The following YBX3 variants were observed in gnomAD, a reference collection of about 807,000 sequenced individuals.
YBX3 encodes Y-box-binding protein 3.
In YBX3, 29 loss-of-function variants were observed where a neutral mutation model predicts 42.4. The observed-to-expected ratio is 0.68, with a 90% CI of 0.51 to 0.93. The LOEUF (loss-of-function observed/expected upper bound fraction) is 0.93. Among genes scored for constraint, YBX3 ranks in the 40% least tolerant of loss-of-function variants. YBX3 has a pLI of 0.00. For synonymous variants in YBX3, 195 were observed against 189.8 expected, an observed-to-expected ratio of 1.03 and a Z score of -0.22; for missense variants, 517 against 527.5, an observed-to-expected ratio of 0.98 and a Z score of 0.19.
intron 1 of YBX3, among the ~76,000 whole-genome samples, chr12:10,721,698 T>A (rs1344768821): frequency 6.6e-6 from 1 of 152,022 alleles, no homozygotes; most frequent in East Asian, 1.9e-4. Flanking sequence ...TCTCTCACAT[T>A]GCTCCCTCAA....
rs1224785272 is a variant in YBX3, at chr12:10,723,298, T to C, written c.-187A>G. 3.2e-6 allele frequency: 3 copies of C among 938,442 alleles called. No homozygotes were observed. Among genetic ancestry groups the C allele is most frequent in the South Asian group, 5.2e-5 (1 of 19,352 alleles). 58.1% of individuals were successfully genotyped at this position (938,442 alleles called of 1,614,324 possible). A position where few individuals can be genotyped will look rare whatever the true frequency, so the allele number is the denominator to read the frequency against. The stretch of plus-strand genomic sequence containing the variant: ...CTCGAGCTTCGTGCTGCGCGCTCTC[T>C]CTTGGGCTCCTCGCTCGATCTTACT... On this transcript the variant is annotated 5_prime_UTR_variant, in exon 1 of 10. Coordinates refer to ENST00000228251, the MANE Select transcript of YBX3 (RefSeq NM_003651.5).
chr12:10,701,397 C>A, intron 8 of YBX3, 44 bp from the exon 9 acceptor site: 2 of 778,258 alleles, frequency 2.6e-6, no homozygotes, highest in Non-Finnish European at 4.8e-6. Context: ...AGTCAGATGA[C>A]AGTGGAAAGT....
At position 10,701,329 on chromosome 12, in the gene YBX3, C is replaced by CA. The variant is rs1948076347; in HGVS notation, c.1077dup (p.Glu360Ter). On this transcript the variant is annotated frameshift_variant, in exon 9 of 10. Transcript: ENST00000228251. LOFTEE classifies it high-confidence loss of function. Reference sequence around the variant, plus strand: ...TGCTGGGTGGGTGGAGCAGGGTTCTCAGTTGGTGCTTCACCTGCCTTGGCC... The same window carrying CA: ...TGCTGGGTGGGTGGAGCAGGGTTCTCAAGTTGGTGCTTCACCTGCCTTGGCC... 1.3e-6 allele frequency: 1 copy of CA among 780,882 alleles called. No homozygotes were observed. Among genetic ancestry groups the CA allele is most frequent in the Admixed American group, 1.7e-5 (1 of 59,012 alleles). The allele number at this position is 780,882 out of a possible 1,614,324, so 48.4% of individuals were successfully genotyped here.
chr12:10,703,032 C>G (rs1442583023), intron 7 of YBX3: 1 of 152,178 alleles, frequency 6.6e-6, no homozygotes, highest in African/African-American at 2.4e-5. Flanking sequence ...AAAGCTGAGC[C>G]TCACACGCTA....
At chr12:10,720,115 C>T (rs1375524309) in intron 1 of YBX3, among the ~76,000 whole-genome samples, 1 of 151,772 alleles carries the variant, frequency 6.6e-6, no homozygotes, top group Non-Finnish European at 1.5e-5. Flanking sequence ...TAATAGATTA[C>T]CTTAAAGAAA....
intron 6 of YBX3, among the ~76,000 whole-genome samples, chr12:10,704,791 T>C (rs960423798): frequency 3.3e-5 from 5 of 152,208 alleles, no homozygotes; most frequent in Non-Finnish European, 2.9e-5. Flanking sequence ...GTGGTCCAAG[T>C]TCATATCTGA....
At chr12:10,708,528 C>CCAG (rs1183853670) in intron 6 of YBX3, among the ~76,000 whole-genome samples, 1 of 152,042 alleles carries the variant, frequency 6.6e-6, no homozygotes, top group African/African-American at 2.4e-5. Context: ...ACTGGCTTAA[C>CCAG]CAGACTACTT....
At chr12:10,702,754 G>A (rs1006487262) in intron 7 of YBX3, 1 of 152,148 alleles carries the variant, frequency 6.6e-6, no homozygotes, top group Admixed American at 6.6e-5. Context: ...AAGAAGAGTA[G>A]TCTGGTATCT....
At chr12:10,704,920 C>T (rs545282475) in intron 6 of YBX3, among the ~76,000 whole-genome samples, 1 of 152,172 alleles carries the variant, frequency 6.6e-6, no homozygotes, top group Non-Finnish European at 1.5e-5. Flanking sequence ...AAATAGCACC[C>T]ATCCTTTTCA....
At position 10,723,053 on chromosome 12, in the gene YBX3, G is replaced by C. The variant is rs965545212; in HGVS notation, c.59C>G (p.Thr20Arg). Residue 20 changes from threonine to arginine, a missense_variant, in exon 1 of 10, where the codon ACG (threonine) becomes AGG (arginine). Transcript: ENST00000228251. ...CTGGGGAGCCGCGGCGGCCGCCTCC[G>C]TCGGAGCCTGCGGGAGGGTGGTGGT... Reference protein sequence around the residue: ...TTTTTLPQAPTEAAAAAPQDP... With the variant: ...TTTTTLPQAPREAAAAAPQDP... The C allele has an allele frequency of 2.7e-5, 33 of 1,206,750 alleles. No homozygotes were observed. The highest frequency in any genetic ancestry group is 7.9e-5 in the African/African-American group (5 of 62,908). 74.8% of individuals were successfully genotyped at this position (1,206,750 alleles called of 1,614,324 possible).
chr12:10,711,989 C>G (rs1037994741), intron 5 of YBX3: 1 of 152,152 alleles, frequency 6.6e-6, no homozygotes, highest in African/African-American at 2.4e-5. Context: ...AGCTATCCCC[C>G]TCATAGCTTA....
At chr12:10,703,524 T>G (rs1170141461) in intron 7 of YBX3, 1 of 422,398 alleles carries the variant, frequency 2.4e-6, no homozygotes, top group Non-Finnish European at 4.7e-6. Context: ...CATTAGTACC[T>G]TTAATCCCCA....
intron 2 of YBX3, 24 bp from the exon 3 acceptor site, chr12:10,718,145 A>G: frequency 3.7e-6 from 6 of 1,610,042 alleles, no homozygotes; most frequent in Non-Finnish European, 5.1e-6. Flanking sequence ...AAAAGCTCAC[A>G]ATTAAAGGTA....
Position 10,713,199 on chromosome 12 carries a change from G to C in YBX3, c.573+12C>G, listed in dbSNP as rs1336986916. 5 of 1,606,202 alleles carry C rather than the reference G, an allele frequency of 3.1e-6. No homozygotes were observed. Among genetic ancestry groups the C allele is most frequent in the Non-Finnish European group, 4.2e-6 (5 of 1,177,222 alleles). On this transcript the variant is annotated intron_variant, in intron 5 of 9. Coordinates refer to ENST00000228251, the MANE Select transcript of YBX3 (RefSeq NM_003651.5). ...TTTCTCAATCACTGGTTAAGTAACA[G>C]AGACAACGTACATTCCGGGGAGGGC... is the stretch of plus-strand genomic sequence containing the variant.
chr12:10,719,169 T>C lies in YBX3; in HGVS notation c.263-26A>G, dbSNP rs752321971. On this transcript the variant is annotated intron_variant, in intron 1 of 9. Transcript: ENST00000228251. ...CTAAAATAGGATTAAGCAGATAAAT[T>C]AGTATCTGACCTACAGAGAGATATA... is the stretch of plus-strand genomic sequence containing the variant. The C allele has an allele frequency of 3.8e-6, 6 of 1,593,478 alleles. No individual in the cohort carries two copies. The African/African-American group carries it at 4.0e-5, about 11-fold the overall frequency.
chr12:10,722,820 G>A, intron 1 of YBX3, 30 bp downstream of exon 1: 1 of 1,421,596 alleles, frequency 7.0e-7, no homozygotes, highest in Non-Finnish European at 9.2e-7. Flanking sequence ...CCCCACTACG[G>A]CAGCCCCTGC....
At chr12:10,714,762 C>CTT (rs202076071) in intron 4 of YBX3, among the ~76,000 whole-genome samples, 5 of 145,444 alleles carry the variant, frequency 3.4e-5, no homozygotes, top group South Asian at 4.4e-4. Context: ...TTTTTCTTTT[C>CTT]TTTTTTTTTT....
At chr12:10,701,788 A>C (rs868203261) in intron 8 of YBX3, among the ~76,000 whole-genome samples, 172 bp downstream of exon 8, 1 of 152,230 alleles carries the variant, frequency 6.6e-6, no homozygotes, top group Non-Finnish European at 1.5e-5. Context: ...CTGGATTCAA[A>C]TATGTGGTCT....
chr12:10,710,249 G>A, intron 5 of YBX3, 135 bp from the exon 6 acceptor site: 1 of 1,525,786 alleles, frequency 6.6e-7, no homozygotes, highest in Non-Finnish European at 8.8e-7. Context: ...CAGACAAAAT[G>A]CATTTAACCC....
Sources: allele counts gnomAD v4.1 joint callset (sites outside exome capture counted in the v4.1 genomes callset), GRCh38; gene constraint gnomAD v4.1.1; transcripts MANE v1.5; gene names NCBI Gene and HGNC (gene_info 2026-07-23, HGNC 2026-07-21).